The following EIF4G3 variants were observed in gnomAD, a reference collection of about 807,000 sequenced individuals.
The protein encoded by EIF4G3 is eukaryotic translation initiation factor 4 gamma 3, also known as eIF-4-gamma 3.
Under a neutral mutation model 186.4 loss-of-function variants are expected in EIF4G3, and 34 were observed. That is an observed-to-expected ratio of 0.18 (90% CI 0.14 to 0.24). EIF4G3 has a LOEUF of 0.24. Ranked by LOEUF, EIF4G3 falls within the 10% of genes least tolerant of loss-of-function variation. The pLI is 1.00. For missense variants in EIF4G3, 1,536 were observed against 1,948.5 expected (o/e 0.79, Z 3.99); for synonymous variants, 673 against 679.5 (o/e 0.99, Z 0.15).
intron 2 of EIF4G3, among the ~76,000 whole-genome samples, chr1:21,121,749 T>G (rs34367430): frequency 0.021 from 3,055 of 147,416 alleles, 59 homozygotes; most frequent in Non-Finnish European, 0.027. Context: ...CACTCCAGCC[T>G]GGGTGACAGG....
At chr1:20,927,046 CTTTT>C (rs757963098) in intron 14 of EIF4G3, among the ~76,000 whole-genome samples, 4 of 139,224 alleles carry the variant, frequency 2.9e-5, no homozygotes, top group Non-Finnish European at 1.6e-5. Context: ...GAAAAAAATA[CTTTT>C]TTTTTTTTTT....
At chr1:20,933,265 C>G (rs1244605841) in intron 14 of EIF4G3, among the ~76,000 whole-genome samples, 1 of 152,028 alleles carries the variant, frequency 6.6e-6, no homozygotes, top group East Asian at 1.9e-4. Flanking sequence ...AAAACTGGGA[C>G]CAAGGAAATG....
chr1:20,941,128 CTAT>C, intron 14 of EIF4G3: 2 of 1,218,048 alleles, frequency 1.6e-6, no homozygotes, highest in Non-Finnish European at 2.2e-6. Flanking sequence ...GAATTAGGGA[CTAT>C]AGACCATCCT....
At chr1:20,964,273 AG>A (rs983755601) in intron 12 of EIF4G3, among the ~76,000 whole-genome samples, 2 of 152,338 alleles carry the variant, frequency 1.3e-5, no homozygotes, top group African/African-American at 4.8e-5. Context: ...TTCTGACCCA[AG>A]GTCATAAATC....
At chr1:20,944,095 T>C (rs566177625) in intron 13 of EIF4G3, among the ~76,000 whole-genome samples, 8 of 151,556 alleles carry the variant, frequency 5.3e-5, no homozygotes, top group African/African-American at 1.9e-4. Context: ...TTTATCAAAA[T>C]ATCTTTGATG....
At chr1:20,843,090 T>C (rs2069303489) in intron 29 of EIF4G3, among the ~76,000 whole-genome samples, 1 of 151,988 alleles carries the variant, frequency 6.6e-6, no homozygotes, top group Admixed American at 6.6e-5. Context: ...CCTCTAGCCT[T>C]AGCCTCCAAA....
chr1:21,116,466 G>A (rs1041110487), intron 2 of EIF4G3, among the ~76,000 whole-genome samples: 1 of 152,032 alleles, frequency 6.6e-6, no homozygotes, highest in African/African-American at 2.4e-5. Context: ...TGAGACAAAT[G>A]AGAAAATAAA....
intron 28 of EIF4G3, among the ~76,000 whole-genome samples, chr1:20,849,864 C>T (rs2072683762): frequency 6.6e-6 from 1 of 152,154 alleles, no homozygotes; most frequent in Non-Finnish European, 1.5e-5. Flanking sequence ...GGGCCCTGCT[C>T]GCCACTAAGC....
At chr1:21,085,071 G>C (rs2095917031) in intron 3 of EIF4G3, among the ~76,000 whole-genome samples, 1 of 150,150 alleles carries the variant, frequency 6.7e-6, no homozygotes, top group African/African-American at 2.5e-5. Context: ...TGTTATCTAA[G>C]GAATGGCATA....
Position 20,959,035 on chromosome 1 carries a change from G to GA in EIF4G3, c.715-8925dup, listed in dbSNP as rs201235456. On this transcript the variant is annotated intron_variant, in intron 12 of 36. Coordinates refer to ENST00000602326, the MANE Select transcript of EIF4G3 (RefSeq NM_001391906.1). ...AAAATACCAACGTTTCACAGAATCA[G>GA]AAAAAAAAATCCTAAAATTCATATG... Among the ~76,000 whole-genome samples the GA allele has an allele frequency of 3.1e-3, 463 of 150,544 alleles. 1 individual carries two copies. Among genetic ancestry groups the GA allele is most frequent in the African/African-American group, 9.4e-3 (384 of 41,064 alleles).
At chr1:20,839,124 C>T (rs539989296) in intron 30 of EIF4G3, among the ~76,000 whole-genome samples, 13 of 152,104 alleles carry the variant, frequency 8.5e-5, no homozygotes, top group South Asian at 4.2e-4. Context: ...ATTACAGGTG[C>T]GTGCCACCAC....
chr1:20,949,982 G>C, intron 13 of EIF4G3, 21 bp downstream of exon 13: 1 of 1,592,086 alleles, frequency 6.3e-7, no homozygotes, highest in Middle Eastern at 1.7e-4. Flanking sequence ...ATAAGAGGGA[G>C]GAAAACAGTC....
At chr1:20,929,480 C>T (rs2095173142) in intron 14 of EIF4G3, 1 of 152,218 alleles carries the variant, frequency 6.6e-6, no homozygotes, top group African/African-American at 2.4e-5. Flanking sequence ...AAGGTATCAA[C>T]TCCTTGAGCT....
intron 4 of EIF4G3, among the ~76,000 whole-genome samples, chr1:21,022,039 T>C (rs761632395): frequency 6.6e-6 from 1 of 152,188 alleles, no homozygotes; most frequent in Non-Finnish European, 1.5e-5. Flanking sequence ...AAGGTTCCTA[T>C]ATGAAAATTT....
intron 18 of EIF4G3, among the ~76,000 whole-genome samples, chr1:20,887,446 G>A (rs967710540): frequency 1.3e-5 from 2 of 152,144 alleles, no homozygotes; most frequent in East Asian, 3.9e-4. Flanking sequence ...TGGGGCCTAA[G>A]CTGATAAGCT....
chr1:20,858,639 T>C (rs1465001735), intron 24 of EIF4G3, among the ~76,000 whole-genome samples: 1 of 152,196 alleles, frequency 6.6e-6, no homozygotes, highest in Non-Finnish European at 1.5e-5. Context: ...CCCTCTACCA[T>C]AAGATGTAAG....
chr1:20,951,338 T>C (rs1046180913), intron 12 of EIF4G3, among the ~76,000 whole-genome samples: 2 of 152,136 alleles, frequency 1.3e-5, no homozygotes, highest in Non-Finnish European at 2.9e-5. Context: ...ATAGGGAAAA[T>C]GCTATCATTT....
intron 4 of EIF4G3, among the ~76,000 whole-genome samples, chr1:21,039,887 C>A (rs1190009825): frequency 6.6e-6 from 1 of 152,076 alleles, no homozygotes; most frequent in Non-Finnish European, 1.5e-5. Flanking sequence ...AGACAAATGG[C>A]CAATAAGCAC....
At chr1:20,952,089 T>G (rs1299551353) in intron 12 of EIF4G3, among the ~76,000 whole-genome samples, 1 of 152,100 alleles carries the variant, frequency 6.6e-6, no homozygotes, top group East Asian at 1.9e-4. Context: ...CTCCTTCAAC[T>G]TTATCATTTT....
Sources: gnomAD v4.1 joint callset for allele counts (sites outside exome capture counted in the v4.1 genomes callset) on GRCh38, gnomAD v4.1.1 for gene constraint, MANE v1.5 for transcripts, NCBI Gene and HGNC (gene_info 2026-07-23, HGNC 2026-07-21) for gene names.